ADAMTSL3: variants seen among roughly 807,000 people sequenced by gnomAD.
The protein encoded by ADAMTSL3 is ADAMTS-like protein 3.
In ADAMTSL3, 128 loss-of-function variants were observed where a neutral mutation model predicts 201.7. That is an observed-to-expected ratio of 0.63 (90% CI 0.55 to 0.73). ADAMTSL3 has a LOEUF of 0.73. Among genes scored for constraint, ADAMTSL3 ranks in the 30% least tolerant of loss-of-function variants. The pLI, the probability that ADAMTSL3 is intolerant of heterozygous loss-of-function variation, is 0.00. For missense variants in ADAMTSL3, 1,990 were observed against 2,119.6 expected (o/e 0.94, Z 1.20); for synonymous variants, 738 against 748.4 (o/e 0.99, Z 0.23).
At chr15:84,009,785 C>T (rs1268092914) in intron 23 of ADAMTSL3, among the ~76,000 whole-genome samples, 1 of 152,244 alleles carries the variant, frequency 6.6e-6, no homozygotes, top group East Asian at 1.9e-4. Flanking sequence ...GACCCCGTTT[C>T]AGGGCCAAGG....
chr15:83,784,645 CTAATTTGGAAA>C (rs2063231393), intron 4 of ADAMTSL3, among the ~76,000 whole-genome samples: 2 of 152,066 alleles, frequency 1.3e-5, no homozygotes, highest in African/African-American at 2.4e-5. Flanking sequence ...TTTACCTCTG[CTAATTTGGAAA>C]TTATACACAT....
intron 5 of ADAMTSL3, among the ~76,000 whole-genome samples, chr15:83,805,508 G>C (rs1033115121): frequency 6.6e-6 from 1 of 151,128 alleles, no homozygotes; most frequent in Non-Finnish European, 1.5e-5. Context: ...AGTGAGCCAA[G>C]ATCGCGCCAC....
At chr15:83,678,532 C>T (rs1203428261) in intron 2 of ADAMTSL3, among the ~76,000 whole-genome samples, 3 of 151,172 alleles carry the variant, frequency 2.0e-5, no homozygotes, top group Non-Finnish European at 4.4e-5. Context: ...GTAGGTAATG[C>T]ATTGTTTCTC....
intron 20 of ADAMTSL3, among the ~76,000 whole-genome samples, chr15:83,975,513 C>T (rs1202412085): frequency 3.3e-5 from 5 of 152,056 alleles, no homozygotes; most frequent in African/African-American, 7.2e-5. Context: ...GCACTTCCTG[C>T]AGGGTCCCAG....
chr15:83,854,991 G>T (rs1481471760), intron 7 of ADAMTSL3, among the ~76,000 whole-genome samples: 2 of 152,060 alleles, frequency 1.3e-5, no homozygotes, highest in Admixed American at 6.6e-5. Flanking sequence ...GCATTACCTG[G>T]TTTTTCATGG....
At chr15:83,983,981 A>G (rs2067433569) in intron 21 of ADAMTSL3, among the ~76,000 whole-genome samples, 1 of 152,268 alleles carries the variant, frequency 6.6e-6, no homozygotes, top group South Asian at 2.1e-4. Context: ...TAAATGTCAT[A>G]CAATCCAAAA....
chr15:83,844,549 A>G (rs534981212), intron 7 of ADAMTSL3, among the ~76,000 whole-genome samples: 2 of 152,306 alleles, frequency 1.3e-5, no homozygotes, highest in East Asian at 3.9e-4. Flanking sequence ...CTGGCTGGTC[A>G]TACTCTTCTA....
chr15:83,734,448 G>A (rs17158659), intron 3 of ADAMTSL3, among the ~76,000 whole-genome samples: 16,852 of 152,142 alleles, frequency 0.11, 1,060 homozygotes, highest in East Asian at 0.28. Flanking sequence ...TGCTATTGGC[G>A]TTACCAGGAC....
intron 4 of ADAMTSL3, among the ~76,000 whole-genome samples, chr15:83,801,952 CAACAA>C (rs1274046601): frequency 1.3e-5 from 2 of 151,572 alleles, no homozygotes; most frequent in African/African-American, 2.4e-5. Context: ...AGTACTAACA[CAACAA>C]AACAAAAGTA....
At chr15:83,704,568 T>A (rs113556246) in intron 3 of ADAMTSL3, 60 bp downstream of exon 3, 4 of 950,346 alleles carry the variant, frequency 4.2e-6, no homozygotes, top group Non-Finnish European at 4.1e-6. Context: ...GTCAGGAAAC[T>A]GTCTCTAAAA....
chr15:83,989,371 C>G (rs569747729), intron 22 of ADAMTSL3, among the ~76,000 whole-genome samples: 1 of 152,326 alleles, frequency 6.6e-6, no homozygotes, highest in South Asian at 2.1e-4. Flanking sequence ...TGCTGCCGGT[C>G]TGAGGACCAC....
intron 2 of ADAMTSL3, among the ~76,000 whole-genome samples, chr15:83,678,763 T>C (rs1233143170): frequency 2.8e-5 from 4 of 140,808 alleles, no homozygotes; most frequent in African/African-American, 1.1e-4. Context: ...ATATATATTG[T>C]GTATATATAT....
At chr15:83,980,383 C>A (rs1362512171) in intron 20 of ADAMTSL3, among the ~76,000 whole-genome samples, 1 of 152,138 alleles carries the variant, frequency 6.6e-6, no homozygotes, top group Non-Finnish European at 1.5e-5. Context: ...ATTTTGAACA[C>A]CATCTATATT....
In ADAMTSL3 at chr15:83,982,836, A is replaced by T; in HGVS notation, c.3208A>T (p.Thr1070Ser). ...CCACTGCAGCAATTCTGCAGGAAGC[A>T]CCAACTCCTGGGAGTTGAAGAATAA... The part of the protein sequence containing the change: ...LGHCSNSAGS[T>S]NSWELKNKQF... The change falls in exon 21 of 30, where the codon ACC becomes TCC. Residue 1070 changes from threonine (T) to serine (S), a missense_variant. Physicochemically the swap from Thr to Ser is moderately conservative, Grantham distance 58. Coordinates refer to ENST00000286744, the MANE Select transcript of ADAMTSL3 (RefSeq NM_207517.3). 1.9e-6 allele frequency: 3 copies of T among 1,614,152 alleles called. No individual in the cohort carries two copies. Among genetic ancestry groups the T allele is most frequent in the Non-Finnish European group, 2.5e-6 (3 of 1,180,038 alleles).
chr15:83,768,574 G>A (rs1006270834), intron 3 of ADAMTSL3, among the ~76,000 whole-genome samples: 9 of 152,148 alleles, frequency 5.9e-5, no homozygotes, highest in African/African-American at 2.2e-4. Flanking sequence ...ATCTGGGAAC[G>A]TAGAAGGAAC....
At chr15:83,752,749 T>C (rs1039943692) in intron 3 of ADAMTSL3, among the ~76,000 whole-genome samples, 1 of 152,224 alleles carries the variant, frequency 6.6e-6, no homozygotes, top group East Asian at 1.9e-4. Context: ...ATAACTTAGA[T>C]GACACAGCTC....
chr15:83,674,752 TAC>T (rs372797971), intron 2 of ADAMTSL3, among the ~76,000 whole-genome samples: 79 of 114,194 alleles, frequency 6.9e-4, no homozygotes, highest in South Asian at 9.7e-4. Flanking sequence ...TATACATATA[TAC>T]ACACATATAT....
chr15:83,859,675 T>A (rs1323499418), intron 8 of ADAMTSL3, among the ~76,000 whole-genome samples: 1 of 152,178 alleles, frequency 6.6e-6, no homozygotes, highest in Non-Finnish European at 1.5e-5. Context: ...TTATTTCCAT[T>A]CATGGGGGTG....
chr15:84,016,509 T>C lies in ADAMTSL3; in HGVS notation c.4273+10T>C, dbSNP rs1264737663. 7 of 1,606,500 alleles carry C rather than the reference T, an allele frequency of 4.4e-6. No individual in the cohort carries two copies. Among genetic ancestry groups the C allele is most frequent in the Non-Finnish European group, 5.1e-6 (6 of 1,173,440 alleles). The stretch of plus-strand genomic sequence containing the variant: ...GAACCCCCGCCTCAAGGTCTGGGAT[T>C]TTGACCTTTTCAGATTTGCTATGTG... On this transcript the variant is annotated intron_variant, in intron 25 of 29. Transcript: ENST00000286744.
Sources: gnomAD v4.1 joint callset for allele counts (sites outside exome capture counted in the v4.1 genomes callset) on GRCh38, gnomAD v4.1.1 for gene constraint, MANE v1.5 for transcripts, NCBI Gene and HGNC (gene_info 2026-07-23, HGNC 2026-07-21) for gene names.